The following IQCM variants were observed in gnomAD, a reference collection of about 807,000 sequenced individuals.
IQCM encodes the protein IQ domain-containing protein M.
A neutral mutation model predicts 57.6 loss-of-function variants in IQCM; 45 were observed. That is an observed-to-expected ratio of 0.78 (90% CI 0.62 to 1.00). The LOEUF (loss-of-function observed/expected upper bound fraction) is 1.00, where lower values mean the gene tolerates loss of function less well. Ranked by LOEUF, IQCM falls within the 50% of genes least tolerant of loss-of-function variation. IQCM has a pLI of 0.00. For missense variants in IQCM, 468 were observed against 511.6 expected, an observed-to-expected ratio of 0.91 and a Z score of 0.82; for synonymous variants, 148 against 158.9, an observed-to-expected ratio of 0.93 and a Z score of 0.51.
intron 7 of IQCM, among the ~76,000 whole-genome samples, chr4:149,651,891 G>A (rs1759214119): frequency 6.6e-6 from 1 of 152,082 alleles, no homozygotes; most frequent in Non-Finnish European, 1.5e-5. Flanking sequence ...AAGACAGTGT[G>A]GCGATTTCTC....
Position 149,565,170 on chromosome 4 carries a change from A to G in IQCM, c.750-1280T>C, listed in dbSNP as rs538271709. Reference sequence around the variant, plus strand: ...TTCACCAGGGCTGAGTCTTGCCCCAAAAATGATCTGTACCTACACCTCTGA... The same window carrying G: ...TTCACCAGGGCTGAGTCTTGCCCCAGAAATGATCTGTACCTACACCTCTGA... On this transcript the variant is annotated intron_variant, in intron 9 of 13. Transcript: ENST00000636793. Among the ~76,000 whole-genome samples, 6 of 152,252 alleles carry G rather than the reference A, an allele frequency of 3.9e-5. No homozygotes were observed. In the South Asian group the frequency reaches 6.2e-4, roughly 16 times the overall value.
At chr4:149,358,882 A>AGTATATCATGATATACT in intron 13 of IQCM, among the ~76,000 whole-genome samples, 65 of 151,368 alleles carry the variant, frequency 4.3e-4, no homozygotes, top group Non-Finnish European at 5.2e-4. Flanking sequence ...ATATCATGAG[A>AGTATATCATGATATACT]CCACAGTGGA....
At chr4:149,711,720 C>G (rs1764574920) in intron 5 of IQCM, among the ~76,000 whole-genome samples, 1 of 152,116 alleles carries the variant, frequency 6.6e-6, no homozygotes. Context: ...CTACAACCAG[C>G]TATTCCAGTC....
intron 5 of IQCM, among the ~76,000 whole-genome samples, chr4:149,721,641 G>A (rs1219788291): frequency 1.3e-5 from 2 of 152,098 alleles, no homozygotes; most frequent in African/African-American, 4.8e-5. Flanking sequence ...TTATATGGCT[G>A]AGTAATATTT....
At chr4:149,760,937 G>A (rs1304326443) in intron 2 of IQCM, among the ~76,000 whole-genome samples, 1 of 152,004 alleles carries the variant, frequency 6.6e-6, no homozygotes, top group Non-Finnish European at 1.5e-5. Context: ...TTTAACAAAG[G>A]AAATGTATCA....
chr4:149,751,222 T>TCCTGATGAAGCAAGAATCCC (rs1768401790), intron 2 of IQCM, among the ~76,000 whole-genome samples: 1 of 152,178 alleles, frequency 6.6e-6, no homozygotes, highest in Non-Finnish European at 1.5e-5. Flanking sequence ...GTTTCCTGAT[T>TCCTGATGAAGCAAGAATCCC]CCTGATGAAG....
intron 9 of IQCM, among the ~76,000 whole-genome samples, chr4:149,571,753 T>C (rs140236810): frequency 3.3e-5 from 5 of 152,086 alleles, no homozygotes; most frequent in East Asian, 3.9e-4. Context: ...AATAAATACA[T>C]ACAATTTTGT....
chr4:149,442,953 CAGAGAGAGAGAGAGAGAG>C (rs56890715), intron 12 of IQCM, among the ~76,000 whole-genome samples: 8 of 98,002 alleles, frequency 8.2e-5, no homozygotes, highest in South Asian at 3.4e-4. Flanking sequence ...CACACACACA[CAGAGAGAGAGAGAGAGAG>C]AGAGAGAGAG....
At chr4:149,645,023 G>A (rs1758519172) in intron 7 of IQCM, among the ~76,000 whole-genome samples, 1 of 152,076 alleles carries the variant, frequency 6.6e-6, no homozygotes, top group Non-Finnish European at 1.5e-5. Context: ...GATTTGCTTT[G>A]CATATTCTTA....
At chr4:149,405,377 G>A (rs146598251) in intron 13 of IQCM, among the ~76,000 whole-genome samples, 2 of 151,334 alleles carry the variant, frequency 1.3e-5, no homozygotes, top group South Asian at 2.1e-4. Flanking sequence ...AAGTAAACAC[G>A]CAAGAAGAAC....
At chr4:149,787,710 CA>C (rs1254975511) in intron 2 of IQCM, among the ~76,000 whole-genome samples, 3 of 152,040 alleles carry the variant, frequency 2.0e-5, no homozygotes, top group Admixed American at 2.0e-4. Flanking sequence ...AAGACTTAAA[CA>C]TAAGACCTGA....
chr4:149,403,749 G>C (rs2111141509), intron 13 of IQCM, among the ~76,000 whole-genome samples: 1 of 152,054 alleles, frequency 6.6e-6, no homozygotes, highest in Admixed American at 6.6e-5. Flanking sequence ...AGGCAAAACT[G>C]AGTGCGTAAG....
chr4:149,424,207 C>T (rs1302916045), intron 13 of IQCM, among the ~76,000 whole-genome samples: 1 of 151,664 alleles, frequency 6.6e-6, no homozygotes, highest in African/African-American at 2.4e-5. Flanking sequence ...AAATGTAAAA[C>T]TATTTTTAAA....
At chr4:149,614,076 T>C (rs1463574143) in intron 8 of IQCM, among the ~76,000 whole-genome samples, 1 of 152,200 alleles carries the variant, frequency 6.6e-6, no homozygotes, top group African/African-American at 2.4e-5. Flanking sequence ...TTTTAAAAAA[T>C]ATGACCAGCA....
At chr4:149,773,327 G>T (rs990836628) in intron 2 of IQCM, among the ~76,000 whole-genome samples, 2 of 151,662 alleles carry the variant, frequency 1.3e-5, no homozygotes, top group Non-Finnish European at 2.9e-5. Flanking sequence ...ACTCCAGCCT[G>T]GGCGACGGAG....
intron 12 of IQCM, among the ~76,000 whole-genome samples, chr4:149,532,805 A>C (rs1746888470): frequency 6.6e-6 from 1 of 152,164 alleles, no homozygotes; most frequent in Non-Finnish European, 1.5e-5. Flanking sequence ...CCCCTGCCAC[A>C]CTGGAAATCA....
intron 7 of IQCM, among the ~76,000 whole-genome samples, chr4:149,626,174 C>G (rs1315257330): frequency 1.3e-5 from 2 of 151,710 alleles, no homozygotes; most frequent in Non-Finnish European, 2.9e-5. Flanking sequence ...GCCAGCATAG[C>G]TAGAATATAA....
At chr4:149,426,024 T>A (rs576095741) in intron 13 of IQCM, among the ~76,000 whole-genome samples, 2 of 152,136 alleles carry the variant, frequency 1.3e-5, no homozygotes, top group Admixed American at 1.3e-4. Context: ...ATTGTTTTTC[T>A]TTATGCCCTG....
chr4:149,556,769 C>A (rs991674319), intron 10 of IQCM, among the ~76,000 whole-genome samples: 1 of 152,182 alleles, frequency 6.6e-6, no homozygotes, highest in East Asian at 1.9e-4. Context: ...CTTCCCCATC[C>A]ACTAAGAAAC....
Sources: allele counts gnomAD v4.1 joint callset (sites outside exome capture counted in the v4.1 genomes callset), GRCh38; gene constraint gnomAD v4.1.1; transcripts MANE v1.5; gene names NCBI Gene and HGNC (gene_info 2026-07-23, HGNC 2026-07-21).